Variants in GFM2 observed in about 807,000 individuals in gnomAD.
GFM2 encodes the protein GTP dependent ribosome recycling factor mitochondrial 2, also known as ribosome-releasing factor 2, mitochondrial.
A neutral mutation model predicts 95.4 loss-of-function variants in GFM2; 72 were observed. The ratio of observed to expected loss-of-function variants is 0.76; its 90% CI spans 0.62 to 0.92. GFM2 has a LOEUF of 0.92. Ranked by LOEUF, GFM2 falls within the 40% of genes least tolerant of loss-of-function variation. The pLI is 0.00. For missense variants in GFM2, 825 were observed against 924.1 expected (o/e 0.89, Z 1.39); for synonymous variants, 276 against 317.5 (o/e 0.87, Z 1.39).
Position 74,758,833 on chromosome 5 carries a change from A to T in GFM2, c.304+16T>A, listed in dbSNP as rs377591652. Reference sequence around the variant, plus strand: ...TTGCTAATGGGGGGGTGGGAAGAGGAGGAATCCATTCTAACCTCCCAGTGA... The same window carrying T: ...TTGCTAATGGGGGGGTGGGAAGAGGTGGAATCCATTCTAACCTCCCAGTGA... On this transcript the variant is annotated intron_variant, in intron 5 of 20. Coordinates refer to ENST00000296805, the MANE Select transcript of GFM2 (RefSeq NM_032380.5). The T allele has an allele frequency of 6.9e-5, 102 of 1,467,966 alleles. No individual in the cohort carries two copies. Among genetic ancestry groups the T allele is most frequent in the Non-Finnish European group, 9.1e-5 (96 of 1,049,516 alleles). 90.9% of individuals were successfully genotyped at this position (1,467,966 alleles called of 1,614,324 possible).
intron 5 of GFM2, among the ~76,000 whole-genome samples, chr5:74,753,597 A>G (rs1324975687): frequency 1.3e-5 from 2 of 152,202 alleles, no homozygotes; most frequent in Non-Finnish European, 2.9e-5. Flanking sequence ...ACTCCATCTC[A>G]AAAAGAGAAG....
intron 3 of GFM2, among the ~76,000 whole-genome samples, chr5:74,760,107 T>C (rs1744199484): frequency 6.6e-6 from 1 of 152,198 alleles, no homozygotes; most frequent in Admixed American, 6.5e-5. Context: ...AATTAAAGCC[T>C]TCCTGTTATT....
chr5:74,756,741 G>A (rs554199442), intron 5 of GFM2, among the ~76,000 whole-genome samples: 21 of 152,058 alleles, frequency 1.4e-4, no homozygotes, highest in African/African-American at 4.3e-4. Flanking sequence ...AATGGCATTC[G>A]CAGCAACCTG....
At position 74,730,131 on chromosome 5, in the gene GFM2, C is replaced by T. The variant is rs1433015028; in HGVS notation, c.1726+129G>A. The T allele has an allele frequency of 6.0e-6, 5 of 834,898 alleles. No homozygotes were observed. The Admixed American group carries it at 1.8e-4, about 29-fold the overall frequency. 51.7% of individuals were successfully genotyped at this position (834,898 alleles called of 1,614,324 possible). On this transcript the variant is annotated intron_variant, in intron 17 of 20. Transcript: ENST00000296805. ...CAAAATCCTAAAAAAACAAAAAAAC[C>T]CCACATACATAAAAACTGTCTCCTC...
chr5:74,728,944 C>T (rs1204144105), intron 17 of GFM2, among the ~76,000 whole-genome samples: 3 of 151,522 alleles, frequency 2.0e-5, no homozygotes, highest in South Asian at 2.1e-4. Context: ...TTAGTAGAAA[C>T]GGGGTCACCA....
intron 12 of GFM2, among the ~76,000 whole-genome samples, chr5:74,739,407 A>C (rs1743000973): frequency 6.6e-6 from 1 of 152,174 alleles, no homozygotes; most frequent in Non-Finnish European, 1.5e-5. Context: ...ATGTTAAGGA[A>C]CTTGGAAAAG....
At chr5:74,758,176 C>CT (rs1561262223) in intron 5 of GFM2, among the ~76,000 whole-genome samples, 3 of 152,156 alleles carry the variant, frequency 2.0e-5, no homozygotes, top group South Asian at 4.1e-4. Flanking sequence ...CTTCTGGTTA[C>CT]TTTTTTTGGT....
At chr5:74,746,454 G>A (rs1743393051) in intron 8 of GFM2, among the ~76,000 whole-genome samples, 2 of 152,178 alleles carry the variant, frequency 1.3e-5, no homozygotes, top group Admixed American at 6.5e-5. Context: ...AACATTAAAT[G>A]AATTGATCAA....
chr5:74,721,476 A>G lies in GFM2; in HGVS notation c.*179T>C. On this transcript the variant is annotated 3_prime_UTR_variant, in exon 21 of 21. Transcript: ENST00000296805. Reference sequence around the variant, plus strand: ...AACATCAAAGCACATTTCTCATTATATAAATTAAAACGGGTGGCTCCAGTG... The same window carrying G: ...AACATCAAAGCACATTTCTCATTATGTAAATTAAAACGGGTGGCTCCAGTG... 1 of 734,594 alleles carries G rather than the reference A, an allele frequency of 1.4e-6. No individual in the cohort carries two copies. The highest frequency in any genetic ancestry group is 2.5e-5 in the Admixed American group (1 of 40,092). 45.5% of individuals were successfully genotyped at this position (734,594 alleles called of 1,614,324 possible).
At position 74,756,417 on chromosome 5, in the gene GFM2, C is replaced by T. The variant is rs193085498; in HGVS notation, c.304+2432G>A. Among the ~76,000 whole-genome samples the T allele has an allele frequency of 1.6e-3, 239 of 152,248 alleles. 1 individual carries two copies. Among genetic ancestry groups the T allele is most frequent in the South Asian group, 7.5e-3 (36 of 4,828 alleles). On this transcript the variant is annotated intron_variant, in intron 5 of 20. Transcript: ENST00000296805. ...GGATGTGGAGTGGACATATACACCA[C>T]ATTTTCTTTATCCACTCATTGATTG...
chr5:74,734,819 C>T (rs1742754352), intron 15 of GFM2, among the ~76,000 whole-genome samples: 2 of 152,042 alleles, frequency 1.3e-5, no homozygotes, highest in Non-Finnish European at 2.9e-5. Flanking sequence ...AGTAAGGGAG[C>T]TTTGGTAAAT....
At chr5:74,743,930 A>G (rs898865440) in intron 10 of GFM2, among the ~76,000 whole-genome samples, 49 of 152,338 alleles carry the variant, frequency 3.2e-4, no homozygotes, top group African/African-American at 1.1e-3. Context: ...AAGTATATGT[A>G]AAGCACTTAA....
At chr5:74,763,643 T>C (rs1016250722) in intron 2 of GFM2, 37 bp downstream of exon 2, 5 of 1,202,218 alleles carry the variant, frequency 4.2e-6, no homozygotes, top group Non-Finnish European at 6.2e-6. Context: ...GGAGCTGAGG[T>C]TGTTAAAGGA....
In GFM2 at chr5:74,721,410, A is replaced by ACTT. The variant is rs1294429063; in HGVS notation, c.*242_*244dup. 1.4e-6 allele frequency: 1 copy of ACTT among 713,422 alleles called. No homozygotes were observed. The highest frequency in any genetic ancestry group is 2.5e-6 in the Non-Finnish European group (1 of 394,656). 44.2% of individuals were successfully genotyped at this position (713,422 alleles called of 1,614,324 possible). ...CTTCTGAAGGCTACTTATAGTAATA[A>ACTT]CTTCATAGATGAACAGCATGATTCA... On this transcript the variant is annotated 3_prime_UTR_variant, in exon 21 of 21. Transcript: ENST00000296805.
At chr5:74,736,057 C>T (rs1025955365) in intron 15 of GFM2, among the ~76,000 whole-genome samples, 59 of 152,168 alleles carry the variant, frequency 3.9e-4, no homozygotes, top group Admixed American at 5.9e-4. Context: ...GCTCCAGGAG[C>T]TATGCACTCA....
chr5:74,751,532 C>T (rs748343309), intron 5 of GFM2, 39 bp from the exon 6 acceptor site: 23 of 1,525,286 alleles, frequency 1.5e-5, no homozygotes, highest in Non-Finnish European at 2.0e-5. Context: ...GTCTTAATAG[C>T]AAGTGTATTT....
At chr5:74,739,259 T>C (rs1742992798) in intron 12 of GFM2, among the ~76,000 whole-genome samples, 1 of 152,172 alleles carries the variant, frequency 6.6e-6, no homozygotes, top group African/African-American at 2.4e-5. Flanking sequence ...CTTATTCCCA[T>C]TCCCTCCAAT....
At chr5:74,724,074 T>C (rs1750039924) in intron 19 of GFM2, among the ~76,000 whole-genome samples, 1 of 152,194 alleles carries the variant, frequency 6.6e-6, no homozygotes, top group Non-Finnish European at 1.5e-5. Context: ...AGGGTAGCAG[T>C]ACTTCCATTA....
intron 5 of GFM2, among the ~76,000 whole-genome samples, chr5:74,754,499 A>G (rs1156710388): frequency 6.6e-6 from 1 of 152,144 alleles, no homozygotes; most frequent in Non-Finnish European, 1.5e-5. Flanking sequence ...AAATAAACTT[A>G]AGGTAAAGGG....
Sources: gnomAD v4.1 joint callset for allele counts (sites outside exome capture counted in the v4.1 genomes callset) on GRCh38, gnomAD v4.1.1 for gene constraint, MANE v1.5 for transcripts, NCBI Gene and HGNC (gene_info 2026-07-23, HGNC 2026-07-21) for gene names.